The following PRELID2 variants were observed in gnomAD, a reference collection of about 807,000 sequenced individuals.
The protein encoded by PRELID2 is PRELI domain containing 2, also known as PRELI domain-containing protein 2.
Under a neutral mutation model 28.4 loss-of-function variants are expected in PRELID2, and 25 were observed. The ratio of observed to expected loss-of-function variants is 0.88; its 90% confidence interval spans 0.64 to 1.23. The LOEUF (loss-of-function observed/expected upper bound fraction) is 1.23. Among genes scored for constraint, PRELID2 ranks in the 50% most tolerant of loss-of-function variants. PRELID2 has a pLI of 0.00. For missense variants in PRELID2, 201 were observed against 214.4 expected, an observed-to-expected ratio of 0.94 and a Z score of 0.39; for synonymous variants, 76 against 71.6, an observed-to-expected ratio of 1.06 and a Z score of -0.31.
chr5:145,265,370 C>T, the PRELID2 span, among the ~76,000 whole-genome samples: 4 of 152,154 alleles, frequency 2.6e-5, no homozygotes, highest in East Asian at 5.8e-4. Context: ...GTAGAATTAA[C>T]ATTGTGAAAA....
At chr5:145,392,586 T>G in the PRELID2 span, among the ~76,000 whole-genome samples, 6 of 151,948 alleles carry the variant, frequency 3.9e-5, no homozygotes, top group Admixed American at 3.9e-4. Context: ...GAGGACACAA[T>G]GCACTCTGAA....
intron 4 of PRELID2, among the ~76,000 whole-genome samples, chr5:145,811,103 A>C (rs1221687030): frequency 1.4e-5 from 2 of 148,050 alleles, no homozygotes; most frequent in African/African-American, 2.5e-5. Flanking sequence ...AAAAAAAAAA[A>C]AAAAAAAAAA....
chr5:145,260,159 T>C, the PRELID2 span, among the ~76,000 whole-genome samples: 17 of 152,284 alleles, frequency 1.1e-4, no homozygotes, highest in Admixed American at 1.0e-3. Flanking sequence ...CCTGACACCT[T>C]TCCAGAAGCA....
chr5:145,709,582 TA>T (rs1402726346), intron 1 of PRELID2, among the ~76,000 whole-genome samples: 298 of 140,448 alleles, frequency 2.1e-3, no homozygotes, highest in East Asian at 0.018. Context: ...GATCTGTATT[TA>T]AAAAAAAAAA....
intron 1 of PRELID2, among the ~76,000 whole-genome samples, chr5:145,580,015 C>T (rs1004011786): frequency 2.6e-5 from 4 of 151,968 alleles, no homozygotes; most frequent in Non-Finnish European, 5.9e-5. Context: ...AATAACTTTC[C>T]AAATAAGATT....
chr5:145,725,824 G>A (rs1199618160), intron 1 of PRELID2, among the ~76,000 whole-genome samples: 1 of 152,174 alleles, frequency 6.6e-6, no homozygotes, highest in Non-Finnish European at 1.5e-5. Context: ...AGACTTTTCT[G>A]GGTTGTAGAA....
intron 1 of PRELID2, among the ~76,000 whole-genome samples, chr5:145,629,132 C>A (rs1476189225): frequency 2.0e-5 from 3 of 152,166 alleles, no homozygotes; most frequent in Non-Finnish European, 4.4e-5. Flanking sequence ...GTTCAATAGA[C>A]AAGGGGAGCT....
chr5:145,705,037 A>G (rs1320152209), intron 1 of PRELID2, among the ~76,000 whole-genome samples: 1 of 152,166 alleles, frequency 6.6e-6, no homozygotes, highest in African/African-American at 2.4e-5. Flanking sequence ...TAAGACACCC[A>G]AGGTGGTTTC....
At chr5:145,652,416 C>T (rs2149672006) in intron 1 of PRELID2, among the ~76,000 whole-genome samples, 1 of 152,284 alleles carries the variant, frequency 6.6e-6, no homozygotes. Flanking sequence ...AAAGATACTC[C>T]TTGAGAAGAG....
chr5:145,744,601 C>T (rs759070457), intron 1 of PRELID2, among the ~76,000 whole-genome samples: 6 of 152,122 alleles, frequency 3.9e-5, no homozygotes, highest in Non-Finnish European at 8.8e-5. Context: ...CAAACCACAG[C>T]AACCCTACAG....
At chr5:145,249,809 C>A in the PRELID2 span, among the ~76,000 whole-genome samples, 3 of 151,966 alleles carry the variant, frequency 2.0e-5, no homozygotes, top group African/African-American at 7.3e-5. Flanking sequence ...AATTTTAAAT[C>A]CTTGTGCTTT....
chr5:145,533,099 G>A (rs1289682918), intron 1 of PRELID2, among the ~76,000 whole-genome samples: 1 of 151,970 alleles, frequency 6.6e-6, no homozygotes, highest in Admixed American at 6.6e-5. Context: ...TGACCACATG[G>A]TTCACACTAA....
chr5:145,404,827 T>C, the PRELID2 span, among the ~76,000 whole-genome samples: 2 of 152,068 alleles, frequency 1.3e-5, no homozygotes, highest in African/African-American at 2.4e-5. Context: ...TAGAGGAGGC[T>C]CAAGGCAAAA....
intron 1 of PRELID2, among the ~76,000 whole-genome samples, chr5:145,563,190 A>G (rs983320103): frequency 1.3e-5 from 2 of 152,230 alleles, no homozygotes; most frequent in Non-Finnish European, 2.9e-5. Context: ...AACTTTTGAT[A>G]TCACCGTTTA....
chr5:145,239,478 A>T, the PRELID2 span, among the ~76,000 whole-genome samples: 3 of 152,030 alleles, frequency 2.0e-5, no homozygotes, highest in African/African-American at 7.2e-5. Flanking sequence ...GGCAAAAATG[A>T]CTGACTGCTG....
At chr5:145,232,805 A>G in the PRELID2 span, among the ~76,000 whole-genome samples, 1 of 152,108 alleles carries the variant, frequency 6.6e-6, no homozygotes, top group Non-Finnish European at 1.5e-5. Flanking sequence ...TAATCTACCA[A>G]ATAATAGTAC....
At chr5:145,415,550 G>A in the PRELID2 span, among the ~76,000 whole-genome samples, 3,687 of 148,900 alleles carry the variant, frequency 0.025, 128 homozygotes, top group African/African-American at 0.08. Context: ...TTGTCCTTGC[G>A]ATAGTTTACT....
chr5:145,697,502 G>T (rs1755307100), intron 1 of PRELID2, among the ~76,000 whole-genome samples: 5 of 152,146 alleles, frequency 3.3e-5, no homozygotes, highest in Admixed American at 1.3e-4. Context: ...ATAAAGTTCA[G>T]TTGCCACAAG....
At chr5:145,612,271 T>C (rs1250198724) in intron 1 of PRELID2, among the ~76,000 whole-genome samples, 2 of 152,160 alleles carry the variant, frequency 1.3e-5, no homozygotes, top group Non-Finnish European at 2.9e-5. Context: ...AAGACTTATA[T>C]AATCTTAAAG....
Sources: allele counts gnomAD v4.1 joint callset (sites outside exome capture counted in the v4.1 genomes callset), GRCh38; gene constraint gnomAD v4.1.1; transcripts MANE v1.5; gene names NCBI Gene and HGNC (gene_info 2026-07-23, HGNC 2026-07-21).